Variants in GFPT1 observed in about 807,000 individuals in gnomAD.
GFPT1 encodes glutamine--fructose-6-phosphate transaminase 1.
A neutral mutation model predicts 92.0 loss-of-function variants in GFPT1; 40 were observed. The ratio of observed to expected loss-of-function variants is 0.43; its 90% CI spans 0.34 to 0.57. The LOEUF is 0.57. Among genes scored for constraint, GFPT1 ranks in the 20% least tolerant of loss-of-function variants. GFPT1 has a pLI of 0.02. For synonymous variants in GFPT1, 269 were observed against 280.6 expected, an observed-to-expected ratio of 0.96 and a Z score of 0.41; for missense variants, 448 against 869.1, an observed-to-expected ratio of 0.52 and a Z score of 6.09.
intron 19 of GFPT1, 66 bp downstream of exon 19, chr2:69,326,848 G>GA: frequency 1.4e-6 from 2 of 1,481,182 alleles, no homozygotes; most frequent in Non-Finnish European, 1.9e-6. Context: ...AAATTTAGGA[G>GA]AAAAAAATCA....
intron 9 of GFPT1, 115 bp from the exon 10 acceptor site, chr2:69,350,298 T>C: frequency 4.0e-6 from 3 of 756,598 alleles, no homozygotes; most frequent in Non-Finnish European, 6.7e-6. Context: ...AAAACAATTT[T>C]AGCAAATTTA....
In GFPT1 at chr2:69,387,206, G is replaced by C. The variant is rs981757160; in HGVS notation, c.-135C>G. Reference sequence around the variant, plus strand: ...GACACGACTCCCTCGGGGATGCGACGGCCAAGGCAACGACAGCCTTCTCCG... The same window carrying C: ...GACACGACTCCCTCGGGGATGCGACCGCCAAGGCAACGACAGCCTTCTCCG... On this transcript the variant is annotated 5_prime_UTR_variant, in exon 1 of 20. Coordinates refer to ENST00000357308, the MANE Select transcript of GFPT1 (RefSeq NM_001244710.2). 18 of 984,510 alleles carry C rather than the reference G, an allele frequency of 1.8e-5. No homozygotes were observed. The highest frequency in any genetic ancestry group is 3.0e-5 in the Admixed American group (1 of 32,804). 61.0% of individuals were successfully genotyped at this position (984,510 alleles called of 1,614,324 possible). A position where few individuals can be genotyped will look rare whatever the true frequency, so the allele number is the denominator to read the frequency against.
At chr2:69,333,609 AT>A (rs1670724176) in intron 15 of GFPT1, among the ~76,000 whole-genome samples, 1 of 152,160 alleles carries the variant, frequency 6.6e-6, no homozygotes, top group African/African-American at 2.4e-5. Flanking sequence ...TTACATTTTT[AT>A]TTTTTTAAAT....
At chr2:69,330,059 A>T (rs999389686) in intron 15 of GFPT1, among the ~76,000 whole-genome samples, 2 of 152,118 alleles carry the variant, frequency 1.3e-5, no homozygotes, top group Admixed American at 1.3e-4. Flanking sequence ...CTCTAAAAAA[A>T]ATACAAAAAT....
intron 2 of GFPT1, among the ~76,000 whole-genome samples, chr2:69,372,116 C>T (rs1273310012): frequency 6.8e-6 from 1 of 147,594 alleles, no homozygotes; most frequent in Non-Finnish European, 1.5e-5. Context: ...AGGAGAATTG[C>T]TTGAACTCGG....
rs747325928 is a variant in GFPT1, at chr2:69,320,885, GGA to G, written c.*5302_*5303del. The G allele has an allele frequency of 5.3e-5, 8 of 151,304 alleles. No individual in the cohort carries two copies. Among genetic ancestry groups the G allele is most frequent in the Non-Finnish European group, 8.8e-5 (6 of 67,842 alleles). The allele number at this position is 151,304 out of a possible 1,614,324, so 9.4% of individuals were successfully genotyped here. ...GAAGAGAGAGGGAGAGGTGGAGGAGGGAGAGAGAGAGAGAGACCAAAGACTGG... is the reference window on the plus strand; with the variant it reads ...GAAGAGAGAGGGAGAGGTGGAGGAGGGAGAGAGAGAGAGACCAAAGACTGG... On this transcript the variant is annotated 3_prime_UTR_variant, in exon 20 of 20. Coordinates refer to ENST00000357308, the MANE Select transcript of GFPT1 (RefSeq NM_001244710.2).
chr2:69,373,461 T>A (rs1174615022), intron 2 of GFPT1, among the ~76,000 whole-genome samples: 3 of 151,990 alleles, frequency 2.0e-5, no homozygotes, highest in African/African-American at 7.2e-5. Context: ...CTACAAAAAC[T>A]TTTTAAAAAT....
At position 69,329,671 on chromosome 2, in the gene GFPT1, A is replaced by C. The variant is rs539523084; in HGVS notation, c.1597+13T>G. 2.0e-6 allele frequency: 3 copies of C among 1,528,808 alleles called. No homozygotes were observed. In the South Asian group the frequency reaches 3.4e-5, roughly 17 times the overall value. 94.7% of individuals were successfully genotyped at this position (1,528,808 alleles called of 1,614,324 possible). On this transcript the variant is annotated intron_variant, in intron 16 of 19. Transcript: ENST00000357308. The stretch of plus-strand genomic sequence containing the variant: ...TTAGACAACAAAAGTGTAATATATG[A>C]GTGTCTTTGTACCAGGCAGCCGTTT...
chr2:69,369,973 G>A (rs1671704549), intron 3 of GFPT1, 28 bp downstream of exon 3: 1 of 1,229,494 alleles, frequency 8.1e-7, no homozygotes, highest in East Asian at 2.3e-5. Context: ...AAGGGGAAAG[G>A]GGACAAAAAT....
At chr2:69,329,183 T>C in intron 17 of GFPT1, 114 bp downstream of exon 17, 2 of 1,061,726 alleles carry the variant, frequency 1.9e-6, no homozygotes, top group South Asian at 2.6e-5. Context: ...AATGCATAAA[T>C]ACAGAAGCAC....
chr2:69,328,261 C>T lies in GFPT1; in HGVS notation c.1893+10G>A. On this transcript the variant is annotated intron_variant, in intron 18 of 19. Coordinates refer to ENST00000357308, the MANE Select transcript of GFPT1 (RefSeq NM_001244710.2). ...GATCCCCAAGGTGTTCTCACAGTCC[C>T]CCGACTTACCTGCCGAGCAACCACT... 6.2e-7 allele frequency: 1 copy of T among 1,610,612 alleles called. No individual in the cohort carries two copies. The highest frequency in any genetic ancestry group is 8.5e-7 in the Non-Finnish European group (1 of 1,176,882).
chr2:69,386,628 T>C (rs950735911), intron 1 of GFPT1, among the ~76,000 whole-genome samples: 2 of 152,056 alleles, frequency 1.3e-5, no homozygotes, highest in African/African-American at 4.8e-5. Flanking sequence ...AAGTAAAATA[T>C]TTTTTTAAAG....
At position 69,359,264 on chromosome 2, in the gene GFPT1, T is replaced by G. The variant is rs1227772065; in HGVS notation, c.408+4A>C. The stretch of plus-strand genomic sequence containing the variant: ...CTGGGGTCTTTTGAGGTCACCTTAC[T>G]TACCAAAAACTTTTTCAAGTCTTTG... On this transcript the variant is annotated splice_donor_region_variant and intron_variant, in intron 5 of 19. Coordinates refer to ENST00000357308, the MANE Select transcript of GFPT1 (RefSeq NM_001244710.2). The G allele has an allele frequency of 1.3e-6, 2 of 1,516,192 alleles. No homozygotes were observed. The highest frequency in any genetic ancestry group is 2.7e-5 in the African/African-American group (2 of 73,028). The allele number at this position is 1,516,192 out of a possible 1,614,324, so 93.9% of individuals were successfully genotyped here.
At chr2:69,379,286 C>T (rs1424346537) in intron 1 of GFPT1, among the ~76,000 whole-genome samples, 3 of 151,984 alleles carry the variant, frequency 2.0e-5, no homozygotes, top group Admixed American at 6.6e-5. Flanking sequence ...CCAGCACTTT[C>T]GTAGGCCAAG....
chr2:69,387,117 G>T lies in GFPT1; in HGVS notation c.-46C>A. 1 of 1,524,938 alleles carries T rather than the reference G, an allele frequency of 6.6e-7. No homozygotes were observed. The highest frequency in any genetic ancestry group is 8.8e-7 in the Non-Finnish European group (1 of 1,141,996). 94.5% of individuals were successfully genotyped at this position (1,524,938 alleles called of 1,614,324 possible). Reference sequence around the variant, plus strand: ...CGAGGCCAGGGGCGAGTGGCTGGCGGGATCGGGGGTGCACACACGAGCTTC... The same window carrying T: ...CGAGGCCAGGGGCGAGTGGCTGGCGTGATCGGGGGTGCACACACGAGCTTC... On this transcript the variant is annotated 5_prime_UTR_variant, in exon 1 of 20. Coordinates refer to ENST00000357308, the MANE Select transcript of GFPT1 (RefSeq NM_001244710.2).
chr2:69,326,594 A>G (rs1670537721), intron 19 of GFPT1, among the ~76,000 whole-genome samples: 1 of 152,184 alleles, frequency 6.6e-6, no homozygotes, highest in African/African-American at 2.4e-5. Context: ...AATGTGTGGG[A>G]CAGTTCCAAA....
Position 69,323,619 on chromosome 2 carries a change from C to G in GFPT1, c.*2570G>C, listed in dbSNP as rs1670463928. On this transcript the variant is annotated 3_prime_UTR_variant, in exon 20 of 20. Transcript: ENST00000357308. The stretch of plus-strand genomic sequence containing the variant: ...GCTCAAGCGATCCTACTACTTAAGC[C>G]TCCCAAGTTGCTGAGACTACAGGCA... 1 of 152,076 alleles carries G rather than the reference C, an allele frequency of 6.6e-6. No homozygotes were observed. Among genetic ancestry groups the G allele is most frequent in the South Asian group, 2.1e-4 (1 of 4,812 alleles). The allele number at this position is 152,076 out of a possible 1,614,324, so 9.4% of individuals were successfully genotyped here. A position where few individuals can be genotyped will look rare whatever the true frequency, so the allele number is the denominator to read the frequency against.
At chr2:69,372,247 G>A (rs1304808816) in intron 2 of GFPT1, among the ~76,000 whole-genome samples, 2 of 148,544 alleles carry the variant, frequency 1.3e-5, no homozygotes, top group African/African-American at 5.0e-5. Flanking sequence ...GCTCACCCAT[G>A]AAGACACCAA....
chr2:69,345,434 G>A (rs923534322), intron 12 of GFPT1, among the ~76,000 whole-genome samples: 5 of 152,130 alleles, frequency 3.3e-5, no homozygotes, highest in African/African-American at 9.7e-5. Context: ...GCCCAGCAAC[G>A]GGACCAGGTC....
Sources: gnomAD v4.1 joint callset for allele counts (sites outside exome capture counted in the v4.1 genomes callset) on GRCh38, gnomAD v4.1.1 for gene constraint, MANE v1.5 for transcripts, NCBI Gene and HGNC (gene_info 2026-07-23, HGNC 2026-07-21) for gene names.